Variants in COPS5 observed in about 807,000 individuals in gnomAD.
COPS5 encodes COP9 signalosome complex subunit 5.
In COPS5, 8 loss-of-function variants were observed where a neutral mutation model predicts 44.4. The ratio of observed to expected loss-of-function variants is 0.18; its 90% CI spans 0.11 to 0.32. COPS5 has a LOEUF of 0.32. Among genes scored for constraint, COPS5 ranks in the 10% least tolerant of loss-of-function variants. The probability of loss-of-function intolerance (pLI) is 1.00; values close to 1 mark genes in which losing one functional copy is unlikely to be tolerated. For missense variants in COPS5, 159 were observed against 406.4 expected, an observed-to-expected ratio of 0.39 and a Z score of 5.23; for synonymous variants, 122 against 142.8, an observed-to-expected ratio of 0.85 and a Z score of 1.04.
intron 1 of COPS5, chr8:67,060,180 C>A (rs1034418209): frequency 4.0e-5 from 10 of 247,130 alleles, no homozygotes; most frequent in Non-Finnish European, 6.5e-5. Flanking sequence ...CAGAGTTGGT[C>A]ATCAGTGAAT....
rs192260230 is a variant in COPS5 at position 67,053,735 on chromosome 8, G to A, written c.660-2394C>T. On this transcript the variant is annotated intron_variant, in intron 5 of 7. Coordinates refer to ENST00000357849, the MANE Select transcript of COPS5 (RefSeq NM_006837.3). ...CAAAGAACATTTTTGGGCCGGGCAC[G>A]GTGGCTCACGCCTGTAATCCCAGCA... Among the ~76,000 whole-genome samples, 1,088 of 150,230 alleles carry A rather than the reference G, an allele frequency of 7.2e-3. 9 individuals are homozygous for A. Among genetic ancestry groups the A allele is most frequent in the African/African-American group, 0.026 (1,046 of 40,826 alleles).
At chr8:67,058,686 A>G (rs1804545464) in intron 2 of COPS5, among the ~76,000 whole-genome samples, 1 of 152,050 alleles carries the variant, frequency 6.6e-6, no homozygotes. Context: ...AATAAGTGTG[A>G]GAGTTTATTT....
At chr8:67,043,481 C>G (rs948783794) in intron 7 of COPS5, 164 bp from the exon 8 acceptor site, 2 of 502,010 alleles carry the variant, frequency 4.0e-6, no homozygotes, top group African/African-American at 4.0e-5. Context: ...ATTAGTCTTC[C>G]CCATGTCTTT....
In COPS5 at chr8:67,050,559, G is replaced by GTA. The variant is rs1491435075; in HGVS notation, c.771+670_771+671insTA. ...TTTGCCCGGAAATATGTGAGTGTGAGTGTGTGTGTGTGTGTGTGTGTGTGT... is the reference window on the plus strand; with the variant it reads ...TTTGCCCGGAAATATGTGAGTGTGAGTATGTGTGTGTGTGTGTGTGTGTGTGT... On this transcript the variant is annotated intron_variant, in intron 6 of 7. Transcript: ENST00000357849. Among the ~76,000 whole-genome samples, 122 of 84,950 alleles carry GTA rather than the reference G, an allele frequency of 1.4e-3. 1 individual carries two copies. Among genetic ancestry groups the GTA allele is most frequent in the African/African-American group, 8.6e-3 (119 of 13,848 alleles). The allele number at this position is 84,950 out of a possible 152,430, so 55.7% of individuals were successfully genotyped here. A position where few individuals can be genotyped will look rare whatever the true frequency, so the allele number is the denominator to read the frequency against.
intron 5 of COPS5, among the ~76,000 whole-genome samples, chr8:67,055,134 C>T (rs902070239): frequency 6.6e-6 from 1 of 152,160 alleles, no homozygotes; most frequent in Non-Finnish European, 1.5e-5. Context: ...GAGCCATGAG[C>T]CTGCTGGCAC....
In COPS5 at chr8:67,052,215, AT is replaced by A. The variant is rs953252028; in HGVS notation, c.660-875del. ...GGAAAAGGCAAGGTGTAGGGTAAAC[AT>A]TTTTGAGTCTATGGTATGGATATGT... On this transcript the variant is annotated intron_variant, in intron 5 of 7. Coordinates refer to ENST00000357849, the MANE Select transcript of COPS5 (RefSeq NM_006837.3). Among the ~76,000 whole-genome samples the A allele has an allele frequency of 9.2e-5, 14 of 152,102 alleles. 1 individual carries two copies. Among genetic ancestry groups the A allele is most frequent in the Admixed American group, 7.2e-4 (11 of 15,266 alleles).
At chr8:67,060,382 G>T in intron 1 of COPS5, 4 of 1,252,618 alleles carry the variant, frequency 3.2e-6, no homozygotes, top group Non-Finnish European at 4.1e-6. Context: ...CAGCCTTACA[G>T]AGCAGTCAGT....
At chr8:67,054,412 G>C (rs1485332752) in intron 5 of COPS5, among the ~76,000 whole-genome samples, 1 of 152,086 alleles carries the variant, frequency 6.6e-6, no homozygotes. Context: ...TCTCAAACAG[G>C]AATCATTTAA....
rs567111257 is a variant in COPS5, at chr8:67,047,936, A to G, written c.772-1976T>C. The G allele has an allele frequency of 1.0e-3, 719 of 701,616 alleles. 6 individuals carry two copies. In the African/African-American group the frequency reaches 0.012, roughly 11 times the overall value. The allele number at this position is 701,616 out of a possible 1,614,324, so 43.5% of individuals were successfully genotyped here. ...CATGTAACACATATTTGCTATTATG[A>G]TCATTCTCCATCCTAATTTGCTACT... On this transcript the variant is annotated intron_variant, in intron 6 of 7. Coordinates refer to ENST00000357849, the MANE Select transcript of COPS5 (RefSeq NM_006837.3).
At chr8:67,051,112 A>G (rs1585710833) in intron 6 of COPS5, 118 bp downstream of exon 6, 1 of 693,364 alleles carries the variant, frequency 1.4e-6, no homozygotes, top group Middle Eastern at 2.6e-4. Flanking sequence ...ATCCCACCCT[A>G]GCCCTGGTGT....
At chr8:67,053,439 G>A (rs556328515) in intron 5 of COPS5, among the ~76,000 whole-genome samples, 3 of 151,290 alleles carry the variant, frequency 2.0e-5, no homozygotes, top group East Asian at 4.0e-4. Flanking sequence ...GTTGGCTCAC[G>A]CCTATAATCC....
Position 67,062,127 on chromosome 8 carries a change from G to A in COPS5, c.-131C>T. Reference sequence around the variant, plus strand: ...TTACCTAGACTCTTGGGGCAGCCATGACACCTAGAACCGGAGGTGAAGTTG... The same window carrying A: ...TTACCTAGACTCTTGGGGCAGCCATAACACCTAGAACCGGAGGTGAAGTTG... On this transcript the variant is annotated 5_prime_UTR_variant, in exon 1 of 8. Transcript: ENST00000357849. 1 of 1,546,590 alleles carries A rather than the reference G, an allele frequency of 6.5e-7. No individual in the cohort carries two copies. The highest frequency in any genetic ancestry group is 8.7e-7 in the Non-Finnish European group (1 of 1,150,456).
At chr8:67,058,454 C>T (rs558321398) in intron 2 of COPS5, among the ~76,000 whole-genome samples, 1 of 152,120 alleles carries the variant, frequency 6.6e-6, no homozygotes, top group Non-Finnish European at 1.5e-5. Context: ...TACCACATAA[C>T]ATAATAATGT....
At chr8:67,048,454 C>T (rs965218663) in intron 6 of COPS5, among the ~76,000 whole-genome samples, 3 of 151,576 alleles carry the variant, frequency 2.0e-5, no homozygotes, top group East Asian at 1.9e-4. Context: ...CGGTGGCTCA[C>T]GCCTGTAATC....
chr8:67,047,405 A>G (rs1366983140), intron 6 of COPS5, among the ~76,000 whole-genome samples: 1 of 152,186 alleles, frequency 6.6e-6, no homozygotes, highest in Non-Finnish European at 1.5e-5. Context: ...ACTTGGAAAA[A>G]ACCCTAAAGT....
intron 1 of COPS5, chr8:67,059,702 G>A (rs1414468576): frequency 2.4e-6 from 1 of 416,644 alleles, no homozygotes; most frequent in Non-Finnish European, 4.4e-6. Flanking sequence ...AAATAAGGGA[G>A]TAACATGACC....
chr8:67,051,017 G>C (rs1218007558), intron 6 of COPS5, among the ~76,000 whole-genome samples: 3 of 152,072 alleles, frequency 2.0e-5, no homozygotes, highest in Non-Finnish European at 2.9e-5. Context: ...TGGACACTCT[G>C]TTTGCTACTT....
chr8:67,053,653 A>G (rs1175074352), intron 5 of COPS5, among the ~76,000 whole-genome samples: 2 of 151,104 alleles, frequency 1.3e-5, no homozygotes, highest in Admixed American at 6.6e-5. Context: ...GTGAGCCGAG[A>G]TGGCACCACT....
intron 3 of COPS5, 149 bp downstream of exon 3, chr8:67,057,934 C>A: frequency 1.2e-6 from 1 of 802,782 alleles, no homozygotes; most frequent in Non-Finnish European, 2.0e-6. Context: ...GCTCAAAGTC[C>A]CAGCTTCTAA....
Sources: allele counts gnomAD v4.1 joint callset (sites outside exome capture counted in the v4.1 genomes callset), GRCh38; gene constraint gnomAD v4.1.1; transcripts MANE v1.5; gene names NCBI Gene and HGNC (gene_info 2026-07-23, HGNC 2026-07-21).